The following CSGALNACT1 variants were observed in gnomAD, a reference collection of about 807,000 sequenced individuals.
The protein encoded by CSGALNACT1 is chondroitin sulfate N-acetylgalactosaminyltransferase 1.
Under a neutral mutation model 51.0 loss-of-function variants are expected in CSGALNACT1, and 52 were observed. That is an observed-to-expected ratio of 1.02 (90% CI 0.82 to 1.29). CSGALNACT1 has a LOEUF of 1.29. Among genes scored for constraint, CSGALNACT1 ranks in the 50% most tolerant of loss-of-function variants. CSGALNACT1 has a pLI of 0.00. For missense variants in CSGALNACT1, 935 were observed against 679.2 expected (o/e 1.38, Z -4.19); for synonymous variants, 341 against 254.4 (o/e 1.34, Z -3.24).
At chr8:19,643,401 C>G (rs2056938236) in intron 1 of CSGALNACT1, among the ~76,000 whole-genome samples, 1 of 152,098 alleles carries the variant, frequency 6.6e-6, no homozygotes. Flanking sequence ...CTTTGGGAGG[C>G]CAAGGCAGTA....
chr8:19,721,954 A>G (rs2063152052), intron 1 of CSGALNACT1, among the ~76,000 whole-genome samples: 3 of 152,352 alleles, frequency 2.0e-5, no homozygotes, highest in Non-Finnish European at 4.4e-5. Flanking sequence ...ATGTTGCTAC[A>G]GTAAAACATT....
chr8:19,527,732 C>T (rs1186671221), intron 3 of CSGALNACT1, among the ~76,000 whole-genome samples: 1 of 152,114 alleles, frequency 6.6e-6, no homozygotes, highest in Non-Finnish European at 1.5e-5. Flanking sequence ...GGGTGCTGAG[C>T]TGAAGTAGCA....
intron 4 of CSGALNACT1, among the ~76,000 whole-genome samples, chr8:19,458,972 T>G (rs1447824423): frequency 2.6e-5 from 4 of 152,074 alleles, no homozygotes. Flanking sequence ...TGATATAGAG[T>G]GGGATTATGT....
intron 3 of CSGALNACT1, among the ~76,000 whole-genome samples, chr8:19,515,093 A>C (rs2154022487): frequency 6.6e-6 from 1 of 151,840 alleles, no homozygotes; most frequent in South Asian, 2.1e-4. Context: ...TTGATCCCCC[A>C]TTCCTTCGGG....
chr8:19,572,122 C>T (rs2043177380), intron 3 of CSGALNACT1, among the ~76,000 whole-genome samples: 1 of 152,120 alleles, frequency 6.6e-6, no homozygotes, highest in African/African-American at 2.4e-5. Flanking sequence ...TCGGCAACAA[C>T]AACAAAAATA....
intron 3 of CSGALNACT1, among the ~76,000 whole-genome samples, chr8:19,576,486 C>A (rs2044245895): frequency 6.6e-6 from 1 of 151,876 alleles, no homozygotes; most frequent in Non-Finnish European, 1.5e-5. Context: ...AGCCATTGCA[C>A]CCGGCCTATT....
chr8:19,567,965 T>C (rs1247992663), intron 3 of CSGALNACT1, among the ~76,000 whole-genome samples: 1 of 152,212 alleles, frequency 6.6e-6, no homozygotes, highest in Non-Finnish European at 1.5e-5. Flanking sequence ...ATGAAAATGA[T>C]GTAACTTCAC....
chr8:19,542,077 C>T (rs1303650718), intron 3 of CSGALNACT1, among the ~76,000 whole-genome samples: 1 of 152,090 alleles, frequency 6.6e-6, no homozygotes, highest in Non-Finnish European at 1.5e-5. Context: ...TTGTCTAGTT[C>T]TTGATGGAAG....
At chr8:19,684,884 T>A (rs534714842), upstream of CSGALNACT1, among the ~76,000 whole-genome samples, 1 of 152,258 alleles carries the variant, frequency 6.6e-6, no homozygotes, top group African/African-American at 2.4e-5. Flanking sequence ...TAATTTCATA[T>A]CCATGTTGTA....
chr8:19,436,362 G>A (rs1006556486), intron 6 of CSGALNACT1, among the ~76,000 whole-genome samples: 28 of 152,250 alleles, frequency 1.8e-4, no homozygotes, highest in African/African-American at 6.7e-4. Flanking sequence ...ACCTTAACAG[G>A]AGGCTCTGAT....
At chr8:19,563,969 G>A (rs1030041000) in intron 3 of CSGALNACT1, among the ~76,000 whole-genome samples, 1 of 151,946 alleles carries the variant, frequency 6.6e-6, no homozygotes, top group Non-Finnish European at 1.5e-5. Flanking sequence ...GAAGCTGGAC[G>A]TTCTGTCTCC....
intron 4 of CSGALNACT1, among the ~76,000 whole-genome samples, chr8:19,487,556 G>C (rs1028973393): frequency 6.6e-6 from 1 of 152,146 alleles, no homozygotes; most frequent in African/African-American, 2.4e-5. Flanking sequence ...AAGAAAAATG[G>C]ATAAGATTCT....
At chr8:19,481,817 A>G (rs1166138177) in intron 4 of CSGALNACT1, among the ~76,000 whole-genome samples, 1 of 152,232 alleles carries the variant, frequency 6.6e-6, no homozygotes, top group Non-Finnish European at 1.5e-5. Context: ...ACAAACATGT[A>G]TCAAACCCAT....
intron 1 of CSGALNACT1, among the ~76,000 whole-genome samples, chr8:19,634,589 G>GAGGT (rs2055758283): frequency 6.6e-6 from 1 of 152,152 alleles, no homozygotes; most frequent in East Asian, 1.9e-4. Context: ...TTGAGCCCAG[G>GAGGT]AGGTCTAGGC....
intron 4 of CSGALNACT1, among the ~76,000 whole-genome samples, chr8:19,493,660 T>C (rs1178662073): frequency 6.6e-6 from 1 of 152,236 alleles, no homozygotes; most frequent in East Asian, 1.9e-4. Context: ...TGCTGCAGCA[T>C]GTTATCAGTA....
At position 19,486,464 on chromosome 8, in the gene CSGALNACT1, C is replaced by T. The variant is rs147289974; in HGVS notation, c.634+18737G>A. On this transcript the variant is annotated intron_variant, in intron 4 of 9. Coordinates refer to ENST00000454498, the Ensembl canonical transcript of CSGALNACT1. The stretch of plus-strand genomic sequence containing the variant: ...TCTATGAGGCTCACATGACATGCCC[C>T]TCCCCTACTTCTCAGACCTCATCTC... 9.2e-3 allele frequency among the ~76,000 whole-genome samples: 1,408 copies of T among 152,312 alleles called. 12 individuals carry two copies. The highest frequency in any genetic ancestry group is 0.014 in the Non-Finnish European group (927 of 68,026).
intron 6 of CSGALNACT1, among the ~76,000 whole-genome samples, chr8:19,427,722 A>G (rs2058995485): frequency 6.6e-6 from 1 of 152,102 alleles, no homozygotes; most frequent in Non-Finnish European, 1.5e-5. Context: ...CAGTGGGCGA[A>G]GCTTGCCGTT....
chr8:19,641,275 G>T (rs549139645), intron 1 of CSGALNACT1, among the ~76,000 whole-genome samples: 1 of 151,542 alleles, frequency 6.6e-6, no homozygotes, highest in Non-Finnish European at 1.5e-5. Flanking sequence ...ATCCCTACCC[G>T]TCCTGGGGAG....
intron 1 of CSGALNACT1, among the ~76,000 whole-genome samples, chr8:19,640,882 T>G (rs1216394798): frequency 1.7e-5 from 2 of 116,882 alleles, no homozygotes; most frequent in Non-Finnish European, 3.8e-5. Flanking sequence ...GTTTTGGTTG[T>G]TTTTTTTTTC....
Sources: allele counts gnomAD v4.1 joint callset (sites outside exome capture counted in the v4.1 genomes callset), GRCh38; gene constraint gnomAD v4.1.1; transcripts MANE v1.5; gene names NCBI Gene and HGNC (gene_info 2026-07-23, HGNC 2026-07-21).